The following PTCH2 variants were observed in gnomAD, a reference collection of about 807,000 sequenced individuals.
The protein encoded by PTCH2 is protein patched homolog 2.
A neutral mutation model predicts 117.9 loss-of-function variants in PTCH2; 96 were observed. The observed-to-expected ratio is 0.81, with a 90% CI of 0.69 to 0.96. The LOEUF is 0.96. PTCH2 is among the 50% of genes least tolerant of loss of function. PTCH2 has a pLI of 0.00. For missense variants in PTCH2, 1,379 were observed against 1,562.5 expected (o/e 0.88, Z 1.98); for synonymous variants, 615 against 660.9 (o/e 0.93, Z 1.06).
intron 2 of PTCH2, among the ~76,000 whole-genome samples, chr1:44,840,936 C>T (rs545244716): frequency 4.6e-5 from 7 of 150,838 alleles, no homozygotes; most frequent in East Asian, 2.0e-4. Flanking sequence ...TGGTGGCGCA[C>T]GCCTGTAATC....
rs2148875275 is a variant in PTCH2, at chr1:44,827,429, G to C, written c.2344C>G (p.Leu782Val). The C allele has an allele frequency of 6.2e-7, 1 of 1,614,050 alleles. No individual in the cohort carries two copies. The highest frequency in any genetic ancestry group is 8.5e-7 in the Non-Finnish European group (1 of 1,180,000). ...TGTAGCCAGTTGCGGTAATAGTGCAGCCAGGTGCGGGGTGCCTGGGTGGCC... is the reference window on the plus strand; with the variant it reads ...TGTAGCCAGTTGCGGTAATAGTGCACCCAGGTGCGGGGTGCCTGGGTGGCC... Reference protein sequence around the residue: ...PPATQAPRTWLHYYRNWLQGI... With the variant: ...PPATQAPRTWVHYYRNWLQGI... Residue 782 changes from leucine to valine, a missense_variant, in exon 15 of 22, where the codon CTG becomes GTG. Leu to Val is a conservative substitution (Grantham distance 32). Coordinates refer to ENST00000372192, the MANE Select transcript of PTCH2 (RefSeq NM_003738.5).
chr1:44,829,890 C>T lies in PTCH2; in HGVS notation c.935+19G>A, dbSNP rs1163129318. ...CTCATGAACAGAGTCCCCTCACCAA[C>T]TCCCAGAGGAGACCCTACCTCAGCA... is the stretch of plus-strand genomic sequence containing the variant. On this transcript the variant is annotated intron_variant, in intron 7 of 21. Coordinates refer to ENST00000372192, the MANE Select transcript of PTCH2 (RefSeq NM_003738.5). 5.0e-6 allele frequency: 8 copies of T among 1,614,072 alleles called. No individual in the cohort carries two copies. The Middle Eastern group carries it at 4.9e-4, about 100-fold the overall frequency.
At chr1:44,830,083 A>G in intron 6 of PTCH2, 53 bp from the exon 7 acceptor site, 1 of 1,606,532 alleles carries the variant, frequency 6.2e-7, no homozygotes. Flanking sequence ...TGGATAACTG[A>G]GTGTCCCTGG....
At chr1:44,821,044 C>T (rs1292305196), downstream of PTCH2, among the ~76,000 whole-genome samples, 3 of 152,024 alleles carry the variant, frequency 2.0e-5, no homozygotes, top group Non-Finnish European at 4.4e-5. Flanking sequence ...AACATGATTT[C>T]CTGGCCTTTG....
intron 6 of PTCH2, 118 bp downstream of exon 6, chr1:44,830,730 A>C: frequency 9.6e-7 from 1 of 1,038,064 alleles, no homozygotes; most frequent in Non-Finnish European, 1.3e-6. Context: ...CAGGGTAATA[A>C]TGGCCAGGAA....
downstream of PTCH2, chr1:44,820,038 A>G (rs1429016921): frequency 5.5e-6 from 1 of 181,470 alleles, no homozygotes; most frequent in Admixed American, 5.7e-5. Context: ...GAGAACTAAC[A>G]CTTAACACAC....
At position 44,827,216 on chromosome 1, in the gene PTCH2, T is replaced by C. The variant is rs1320208181; in HGVS notation, c.2465A>G (p.Lys822Arg). 6.2e-7 allele frequency: 1 copy of C among 1,614,068 alleles called. No homozygotes were observed. Among genetic ancestry groups the C allele is most frequent in the Admixed American group, 1.7e-5 (1 of 60,022 alleles). ...GGCGTCTCCAGTCTGGATGAGCAGC[T>C]TGTAGGCCAGGGCCCCATCCTCAGA... ...NGSEDGALAY[K>R]LLIQTGDAQE... Residue 822 changes from lysine to arginine, a missense_variant, in exon 16 of 22, where the codon AAG (lysine) becomes AGG (arginine). Coordinates refer to ENST00000372192, the MANE Select transcript of PTCH2 (RefSeq NM_003738.5).
rs1234546689 is a variant in PTCH2 at position 44,822,596 on chromosome 1, C to T, written c.3431G>A (p.Gly1144Glu). ...PAPQGGGLRW[G>E]ASSSLPQSFA... ...GCTCTGGGGCAGGGAGGAGGATGCCCCCCACCTAAGCCCGCCTCCCTGTGG... is the reference window on the plus strand; with the variant it reads ...GCTCTGGGGCAGGGAGGAGGATGCCTCCCACCTAAGCCCGCCTCCCTGTGG... The change falls in exon 22 of 22, where the codon GGG becomes GAG. Residue 1144 changes from glycine to glutamate, a missense_variant. By Grantham distance (98) the Gly-to-Glu change is moderately conservative (BLOSUM62 -2). Transcript: ENST00000372192. 3 of 1,613,962 alleles carry T rather than the reference C, an allele frequency of 1.9e-6. No individual in the cohort carries two copies. The highest frequency in any genetic ancestry group is 2.5e-6 in the Non-Finnish European group (3 of 1,179,958).
chr1:44,822,435 GT>G lies in PTCH2; in HGVS notation c.3591del (p.Pro1198GlnfsTer56). On this transcript the variant is annotated frameshift_variant, in exon 22 of 22. Coordinates refer to ENST00000372192, the MANE Select transcript of PTCH2 (RefSeq NM_003738.5). LOFTEE classifies it high-confidence loss of function. ...ATSSGNLSSRGPGPATG is the reference protein window; with the variant it reads ...ATSSGNLSSRXPGPATG ...CTCTTTCACCCAGTGGCTGGACCTG[GT>G]CCCCTGGAACTGAGGTTGCCAGAGC... 6.2e-7 allele frequency: 1 copy of G among 1,613,852 alleles called. No individual in the cohort carries two copies. The highest frequency in any genetic ancestry group is 8.5e-7 in the Non-Finnish European group (1 of 1,180,026).
downstream of PTCH2, chr1:44,820,282 A>G: frequency 1.3e-5 from 6 of 461,330 alleles, no homozygotes; most frequent in South Asian, 9.4e-5. Context: ...TTGCTCTCCT[A>G]TGCTCCTCTC....
At chr1:44,842,109 T>C in intron 1 of PTCH2, 70 bp from the exon 2 acceptor site, 1 of 1,423,028 alleles carries the variant, frequency 7.0e-7, no homozygotes, top group Non-Finnish European at 9.9e-7. Flanking sequence ...CTTCTCACCC[T>C]GTATATCTGC....
rs755924179 is a variant in PTCH2, at chr1:44,827,721, G to T, written c.2059-7C>A. 1 of 1,610,914 alleles carries T rather than the reference G, an allele frequency of 6.2e-7. No individual in the cohort carries two copies. Among genetic ancestry groups the T allele is most frequent in the South Asian group, 1.1e-5 (1 of 91,086 alleles). Reference sequence around the variant, plus strand: ...AGAGCACCAGCACGATGGCCTGCGGGATGTAGCAACTAAGCTGGAGACCCC... The same window carrying T: ...AGAGCACCAGCACGATGGCCTGCGGTATGTAGCAACTAAGCTGGAGACCCC... On this transcript the variant is annotated splice_region_variant and splice_polypyrimidine_tract_variant and intron_variant, in intron 14 of 21. Transcript: ENST00000372192.
rs759345669 is a variant in PTCH2, at chr1:44,826,342, C to T, written c.3022G>A (p.Gly1008Ser). 1 of 1,614,082 alleles carries T rather than the reference C, an allele frequency of 6.2e-7. No individual in the cohort carries two copies. The highest frequency in any genetic ancestry group is 2.2e-5 in the East Asian group (1 of 44,880). The part of the protein sequence containing the change: ...MMTVELFGIM[G>S]FLGIKLSAIP... ...GCACTCAGCTTGATGCCCAGGAAAC[C>T]CATGATACCAAAGAGTTCCACTGTC... Residue 1008 changes from glycine (G) to serine (S), a missense_variant, in exon 19 of 22, where the codon GGT becomes AGT. Transcript: ENST00000372192. The surrounding 1 kb of genome is among the most constrained non-coding windows in gnomAD (Gnocchi z 5.1).
At chr1:44,840,567 C>G (rs1323877538) in intron 2 of PTCH2, among the ~76,000 whole-genome samples, 1 of 151,678 alleles carries the variant, frequency 6.6e-6, no homozygotes, top group Non-Finnish European at 1.5e-5. Flanking sequence ...AAAAATTAGC[C>G]AGGCATGGTG....
chr1:44,826,043 A>G lies in PTCH2; in HGVS notation c.3114+207T>C, dbSNP rs1458398587. On this transcript the variant is annotated intron_variant, in intron 19 of 21. Transcript: ENST00000372192. The surrounding 1 kb of genome is among the most constrained non-coding windows in gnomAD (Gnocchi z 5.1). ...GTATTTTTAGTAAAGACAGGGTTTCACCATGTTGGCCAGGCTGGTTTCGAA... is the reference window on the plus strand; with the variant it reads ...GTATTTTTAGTAAAGACAGGGTTTCGCCATGTTGGCCAGGCTGGTTTCGAA... Among the ~76,000 whole-genome samples the G allele has an allele frequency of 1.4e-5, 2 of 145,428 alleles. No homozygotes were observed. The highest frequency in any genetic ancestry group is 2.2e-4 in the South Asian group (1 of 4,530).
In PTCH2 at chr1:44,823,316, CG is replaced by C. The variant is rs2148871984; in HGVS notation, c.3183del (p.Val1062Ter). Reference protein sequence around the residue: ...AAHALEHTFAPVTDGAISTLL... With the variant: ...AAHALEHTFAXVTDGAISTLL... ...AATGTGGAGATGGCCCCATCGGTCACGGGGGCAAATGTGTGCTCAAGGGCAT... is the reference window on the plus strand; with the variant it reads ...AATGTGGAGATGGCCCCATCGGTCACGGGGCAAATGTGTGCTCAAGGGCAT... On this transcript the variant is annotated frameshift_variant, in exon 20 of 22. Transcript: ENST00000372192. LOFTEE classifies it high-confidence loss of function. This position sits in a 1 kb window ranked among gnomAD's most constrained non-coding sequence, Gnocchi z 5.1. 1 of 1,614,178 alleles carries C rather than the reference CG, an allele frequency of 6.2e-7. No homozygotes were observed. Among genetic ancestry groups the C allele is most frequent in the Non-Finnish European group, 8.5e-7 (1 of 1,180,028 alleles).
In PTCH2 at chr1:44,829,992, A is replaced by G; in HGVS notation, c.852T>C (p.His284=). 6.2e-7 allele frequency: 1 copy of G among 1,614,184 alleles called. No individual in the cohort carries two copies. Among genetic ancestry groups the G allele is most frequent in the East Asian group, 2.2e-5 (1 of 44,878 alleles). ...AGTGCATGAATTTGTGGGAGAAGCC[A>G]TGGCAGCCCCCACTCAGCTCGTGAG... ...NVAHELSGGC[H]GFSHKFMHWQ... The change falls in exon 7 of 22, where the codon CAT becomes CAC. Residue 284 remains histidine, a synonymous_variant. Coordinates refer to ENST00000372192, the MANE Select transcript of PTCH2 (RefSeq NM_003738.5).
intron 2 of PTCH2, among the ~76,000 whole-genome samples, chr1:44,834,723 A>G (rs1049284338): frequency 1.3e-5 from 2 of 152,244 alleles, no homozygotes; most frequent in Admixed American, 6.5e-5. Context: ...TTAGTTGACA[A>G]AGATAGATAT....
rs1653446663 is a variant in PTCH2 at position 44,831,576 on chromosome 1, C to G, written c.617+130G>C. On this transcript the variant is annotated intron_variant, in intron 5 of 21. Coordinates refer to ENST00000372192, the MANE Select transcript of PTCH2 (RefSeq NM_003738.5). This position sits in a 1 kb window ranked among gnomAD's most constrained non-coding sequence, Gnocchi z 4.3. ...AGAGAGCCTTGGGGAAGCCCATGCTCTCTGTTCCTGGCCTGGGAGGTAATT... is the reference window on the plus strand; with the variant it reads ...AGAGAGCCTTGGGGAAGCCCATGCTGTCTGTTCCTGGCCTGGGAGGTAATT... 1 of 921,420 alleles carries G rather than the reference C, an allele frequency of 1.1e-6. No homozygotes were observed. Among genetic ancestry groups the G allele is most frequent in the Non-Finnish European group, 1.7e-6 (1 of 585,716 alleles). The allele number at this position is 921,420 out of a possible 1,614,324, so 57.1% of individuals were successfully genotyped here.
Sources: allele counts gnomAD v4.1 joint callset (sites outside exome capture counted in the v4.1 genomes callset), GRCh38; gene constraint gnomAD v4.1.1; non-coding constraint Gnocchi (gnomAD v3.1); transcripts MANE v1.5; gene names NCBI Gene and HGNC (gene_info 2026-07-23, HGNC 2026-07-21).